Variants in NIN observed in about 807,000 individuals in gnomAD.
NIN encodes the protein ninein.
Under a neutral mutation model 257.6 loss-of-function variants are expected in NIN, and 137 were observed. The observed-to-expected ratio is 0.53, with a 90% CI of 0.46 to 0.61. The LOEUF (loss-of-function observed/expected upper bound fraction) is 0.61, where lower values mean the gene tolerates loss of function less well. Ranked by LOEUF, NIN falls within the 20% of genes least tolerant of loss-of-function variation. The probability of loss-of-function intolerance (pLI) is 0.00; values close to 1 mark genes in which losing one functional copy is unlikely to be tolerated. For synonymous variants in NIN, 918 were observed against 919.8 expected (o/e 1.00, Z 0.04); for missense variants, 2,439 against 2,501.2 (o/e 0.98, Z 0.53).
chr14:50,765,263 G>A (rs1464971862), intron 14 of NIN, among the ~76,000 whole-genome samples: 1 of 151,932 alleles, frequency 6.6e-6, no homozygotes, highest in East Asian at 1.9e-4. Flanking sequence ...AAAACAAGTG[G>A]ATGAACTGGG....
chr14:50,767,609 A>G (rs1489347290), intron 12 of NIN, among the ~76,000 whole-genome samples: 1 of 152,160 alleles, frequency 6.6e-6, no homozygotes, highest in Non-Finnish European at 1.5e-5. Flanking sequence ...TGAGGTCAGG[A>G]GATCGAGACC....
At chr14:50,810,320 C>T (rs909252853) in intron 3 of NIN, among the ~76,000 whole-genome samples, 1 of 151,746 alleles carries the variant, frequency 6.6e-6, no homozygotes, top group African/African-American at 2.4e-5. Context: ...CTTCATAATC[C>T]TGCTTCCCAA....
chr14:50,830,052 G>A (rs2045631036), intron 2 of NIN, among the ~76,000 whole-genome samples: 1 of 152,194 alleles, frequency 6.6e-6, no homozygotes, highest in African/African-American at 2.4e-5. Flanking sequence ...CCACTTTCCG[G>A]GCTCCAAGCA....
chr14:50,784,606 C>A (rs1050631540), intron 5 of NIN, among the ~76,000 whole-genome samples: 9 of 152,190 alleles, frequency 5.9e-5, no homozygotes, highest in African/African-American at 2.2e-4. Context: ...CTTTAAAGAA[C>A]AAACCCAGAA....
intron 28 of NIN, among the ~76,000 whole-genome samples, chr14:50,734,820 G>T (rs954010513): frequency 3.3e-5 from 5 of 151,680 alleles, no homozygotes; most frequent in African/African-American, 1.2e-4. Flanking sequence ...GGGACTACAG[G>T]TACGTGCCAC....
chr14:50,817,095 C>G (rs1358368100), intron 3 of NIN, among the ~76,000 whole-genome samples: 1 of 152,210 alleles, frequency 6.6e-6, no homozygotes, highest in Non-Finnish European at 1.5e-5. Flanking sequence ...AAAACCTCCT[C>G]CTAGCTGTCT....
chr14:50,788,132 A>C (rs76703426), intron 5 of NIN, among the ~76,000 whole-genome samples: 2,089 of 152,354 alleles, frequency 0.014, 32 homozygotes, highest in Non-Finnish European at 0.02. Context: ...GTACGAACTA[A>C]AGCAAAAGTA....
At chr14:50,763,093 G>A (rs1465409187) in intron 15 of NIN, among the ~76,000 whole-genome samples, 1 of 152,134 alleles carries the variant, frequency 6.6e-6, no homozygotes, top group African/African-American at 2.4e-5. Context: ...TTATTCTGCA[G>A]TAAGAGGAGG....
In NIN at chr14:50,739,427, A is replaced by T. The variant is rs12717411; in HGVS notation, c.5509T>A (p.Ser1837Thr). 42,699 of 1,614,164 alleles carry T rather than the reference A, an allele frequency of 0.026. 721 individuals are homozygous for T. Among genetic ancestry groups the T allele is most frequent in the Middle Eastern group, 0.044 (265 of 6,058 alleles). Residue 1837 changes from serine (S) to threonine (T), a missense_variant, in exon 26 of 31, where the codon TCC becomes ACC. Around this residue, in one of 3 missense-constraint regions of NIN, gnomAD observed 2,043 missense variants for 2,050.2 expected, o/e 1.00. Transcript: ENST00000530997. ...SGLHNQQKRL[S>T]WDKLDHLMNE... ...ATCAGATGATCCAACTTGTCCCAGGACAGCCTTTTCTGCTGGTTATGGAGC... is the reference window on the plus strand; with the variant it reads ...ATCAGATGATCCAACTTGTCCCAGGTCAGCCTTTTCTGCTGGTTATGGAGC...
chr14:50,752,792 AAAAAAC>A, intron 20 of NIN, 59 bp from the exon 21 acceptor site: 1 of 978,762 alleles, frequency 1.0e-6, no homozygotes, highest in Non-Finnish European at 1.5e-6. Context: ...TAAAAAAAAA[AAAAAAC>A]AGATTTAGAG....
intron 28 of NIN, among the ~76,000 whole-genome samples, chr14:50,733,190 T>C (rs943035961): frequency 6.6e-6 from 1 of 151,912 alleles, no homozygotes; most frequent in African/African-American, 2.4e-5. Flanking sequence ...CCTCCCGGGT[T>C]CAAGCGATTC....
chr14:50,786,551 T>C (rs2141969958), intron 5 of NIN, among the ~76,000 whole-genome samples: 1 of 152,164 alleles, frequency 6.6e-6, no homozygotes, highest in South Asian at 2.1e-4. Flanking sequence ...TACAATTGCA[T>C]CTTTAATGAA....
At chr14:50,733,591 CTAA>C (rs2040827413) in intron 28 of NIN, among the ~76,000 whole-genome samples, 1 of 152,156 alleles carries the variant, frequency 6.6e-6, no homozygotes, top group African/African-American at 2.4e-5. Flanking sequence ...CTTACGATGG[CTAA>C]TAATGTTAAT....
chr14:50,806,713 G>C (rs914248129), intron 4 of NIN, 24 bp downstream of exon 4: 25 of 1,368,142 alleles, frequency 1.8e-5, no homozygotes, highest in Non-Finnish European at 2.2e-5. Flanking sequence ...GGGGAAGGCA[G>C]AGAAGAGAAG....
chr14:50,735,632 C>G lies in NIN; in HGVS notation c.5776-15G>C. 1 of 1,599,296 alleles carries G rather than the reference C, an allele frequency of 6.3e-7. No homozygotes were observed. Among genetic ancestry groups the G allele is most frequent in the Non-Finnish European group, 8.5e-7 (1 of 1,176,648 alleles). On this transcript the variant is annotated splice_polypyrimidine_tract_variant and intron_variant, in intron 27 of 30. Coordinates refer to ENST00000530997, the MANE Select transcript of NIN (RefSeq NM_020921.4). ...ATCTGACTGACCTGTTTAAAAAAAACAAAATATTCCCTTGAAACAGAAACA... is the reference window on the plus strand; with the variant it reads ...ATCTGACTGACCTGTTTAAAAAAAAGAAAATATTCCCTTGAAACAGAAACA...
At chr14:50,807,103 C>A (rs2142207346) in intron 3 of NIN, among the ~76,000 whole-genome samples, 1 of 152,290 alleles carries the variant, frequency 6.6e-6, no homozygotes, top group African/African-American at 2.4e-5. Flanking sequence ...ATTTTAAACT[C>A]TTAGCTGCTT....
At chr14:50,751,898 A>G (rs924539239) in intron 21 of NIN, among the ~76,000 whole-genome samples, 1 of 152,116 alleles carries the variant, frequency 6.6e-6, no homozygotes, top group South Asian at 2.1e-4. Context: ...TTTTGGTCCC[A>G]TGTCCCTCCA....
At chr14:50,748,799 G>C (rs1267363824) in intron 21 of NIN, among the ~76,000 whole-genome samples, 1 of 152,084 alleles carries the variant, frequency 6.6e-6, no homozygotes, top group Non-Finnish European at 1.5e-5. Flanking sequence ...CACTGCTCAA[G>C]GAAATAAGAG....
chr14:50,783,094 T>C (rs1034532228), intron 5 of NIN, among the ~76,000 whole-genome samples: 8 of 152,216 alleles, frequency 5.3e-5, no homozygotes, highest in Non-Finnish European at 1.2e-4. Flanking sequence ...ATGGTTTTTG[T>C]TTGTTTCTAC....
Sources: gnomAD v4.1 joint callset for allele counts (sites outside exome capture counted in the v4.1 genomes callset) on GRCh38, gnomAD v4.1.1 for gene constraint, gnomAD v4.1.1 regional missense constraint, MANE v1.5 for transcripts, NCBI Gene and HGNC (gene_info 2026-07-23, HGNC 2026-07-21) for gene names.